LRFN5: variants seen among roughly 807,000 people sequenced by gnomAD.
LRFN5 encodes the protein leucine rich repeat and fibronectin type III domain containing 5, also known as leucine-rich repeat and fibronectin type-III domain-containing protein 5.
A neutral mutation model predicts 45.6 loss-of-function variants in LRFN5; 24 were observed. That is an observed-to-expected ratio of 0.53 (90% CI 0.38 to 0.74). LRFN5 has a LOEUF of 0.74. Ranked by LOEUF, LRFN5 falls within the 30% of genes least tolerant of loss-of-function variation. The probability of loss-of-function intolerance (pLI) is 0.00; values close to 1 mark genes in which losing one functional copy is unlikely to be tolerated. For synonymous variants in LRFN5, 340 were observed against 313.8 expected, an observed-to-expected ratio of 1.08 and a Z score of -0.88; for missense variants, 776 against 861.5, an observed-to-expected ratio of 0.90 and a Z score of 1.24.
At chr14:41,736,552 T>G (rs1251718374) in intron 1 of LRFN5, among the ~76,000 whole-genome samples, 1 of 152,164 alleles carries the variant, frequency 6.6e-6, no homozygotes, top group Non-Finnish European at 1.5e-5. Context: ...CATTGCCTGT[T>G]CACTTCGGTG....
chr14:41,648,788 T>G (rs1879945211), intron 1 of LRFN5, among the ~76,000 whole-genome samples: 1 of 152,018 alleles, frequency 6.6e-6, no homozygotes. Flanking sequence ...TTTTGGAACA[T>G]AATGAAATAA....
At chr14:41,788,315 A>G (rs1886800636) in intron 2 of LRFN5, among the ~76,000 whole-genome samples, 1 of 152,038 alleles carries the variant, frequency 6.6e-6, no homozygotes, top group Non-Finnish European at 1.5e-5. Flanking sequence ...CTGCCACTTC[A>G]ATTATATGTA....
At chr14:41,720,578 G>C (rs1883675045) in intron 1 of LRFN5, among the ~76,000 whole-genome samples, 1 of 151,960 alleles carries the variant, frequency 6.6e-6, no homozygotes, top group Non-Finnish European at 1.5e-5. Flanking sequence ...TTGGTTTGTT[G>C]TGTCTCTGTT....
At position 41,904,160 on chromosome 14, in the gene LRFN5, G is replaced by A; in HGVS notation, c.2145G>A (p.Arg715=). 1 of 1,600,922 alleles carries A rather than the reference G, an allele frequency of 6.2e-7. No homozygotes were observed. Among genetic ancestry groups the A allele is most frequent in the Non-Finnish European group, 8.5e-7 (1 of 1,174,356 alleles). Reference sequence around the variant, plus strand: ...TTTTTCTTTTTCTTTCATTTCAGAGGCTGGAGTTAATCTGAAGAGCACCAC... The same window carrying A: ...TTTTTCTTTTTCTTTCATTTCAGAGACTGGAGTTAATCTGAAGAGCACCAC... ...NVDQIVQETQ[R]LELI is the part of the protein sequence containing the mutation. Residue 715 remains arginine (R), a splice_region_variant and synonymous_variant, in exon 6 of 6, where the codon AGG becomes AGA. Transcript: ENST00000298119.
At chr14:41,819,990 T>C (rs1422265614) in intron 2 of LRFN5, among the ~76,000 whole-genome samples, 14 of 151,978 alleles carry the variant, frequency 9.2e-5, no homozygotes. Context: ...GCTGATTTCT[T>C]TGGCATTCTT....
chr14:41,819,920 A>C (rs755408936), intron 2 of LRFN5, among the ~76,000 whole-genome samples: 100 of 150,638 alleles, frequency 6.6e-4, no homozygotes, highest in Non-Finnish European at 1.3e-3. Context: ...GACCACCTGT[A>C]TGTTATTGAA....
intron 1 of LRFN5, among the ~76,000 whole-genome samples, chr14:41,627,571 A>G (rs990908851): frequency 6.6e-6 from 1 of 152,164 alleles, no homozygotes; most frequent in Non-Finnish European, 1.5e-5. Flanking sequence ...GACGTCATGA[A>G]ATCCTAACCT....
chr14:41,682,672 T>A (rs1004508580), intron 1 of LRFN5, among the ~76,000 whole-genome samples: 2 of 152,182 alleles, frequency 1.3e-5, no homozygotes, highest in African/African-American at 4.8e-5. Context: ...AGAGCAACTA[T>A]ATGCCAATAA....
At chr14:41,737,062 A>G (rs2138809893) in intron 1 of LRFN5, among the ~76,000 whole-genome samples, 1 of 152,328 alleles carries the variant, frequency 6.6e-6, no homozygotes, top group Non-Finnish European at 1.5e-5. Context: ...AGAAAATTTC[A>G]GGCCAGTATC....
chr14:41,735,261 TTTA>T (rs1884374130), intron 1 of LRFN5, among the ~76,000 whole-genome samples: 1 of 114,280 alleles, frequency 8.8e-6, no homozygotes, highest in African/African-American at 4.2e-5. Context: ...CACCTTTATT[TTTA>T]TTTTTATTTT....
Position 41,876,282 on chromosome 14 carries a change from T to TC in LRFN5, c.-20-10324_-20-10323insC, listed in dbSNP as rs1555328652. ...GCGTAATTGTCTTTTTCTTTCTTTT[T>TC]TTTTTTTTTTTTTTTTGAGACGGAG... On this transcript the variant is annotated intron_variant, in intron 2 of 5. Coordinates refer to ENST00000298119, the MANE Select transcript of LRFN5 (RefSeq NM_152447.5). Among the ~76,000 whole-genome samples the TC allele has an allele frequency of 3.4e-5, 4 of 118,310 alleles. No individual in the cohort carries two copies. The East Asian group carries it at 2.3e-3, about 67-fold the overall frequency. 77.6% of individuals were successfully genotyped at this position (118,310 alleles called of 152,430 possible).
chr14:41,856,679 T>TATTTTTTTA (rs1566486513), intron 2 of LRFN5, among the ~76,000 whole-genome samples: 1 of 60,102 alleles, frequency 1.7e-5, no homozygotes, highest in African/African-American at 5.7e-5. Context: ...ATTATTATTT[T>TATTTTTTTA]TTTTTTTTTT....
chr14:41,735,716 A>G (rs544922638), intron 1 of LRFN5, among the ~76,000 whole-genome samples: 128 of 152,178 alleles, frequency 8.4e-4, no homozygotes, highest in African/African-American at 2.9e-3. Context: ...TCAACCCTTC[A>G]TTGACATTAG....
chr14:41,651,368 A>G (rs1369958912), intron 1 of LRFN5, among the ~76,000 whole-genome samples: 1 of 152,190 alleles, frequency 6.6e-6, no homozygotes, highest in East Asian at 1.9e-4. Flanking sequence ...ACACTCTCAA[A>G]CTATGCTTTT....
chr14:41,763,852 C>T (rs1474160640), intron 1 of LRFN5, among the ~76,000 whole-genome samples: 2 of 152,068 alleles, frequency 1.3e-5, no homozygotes, highest in Non-Finnish European at 2.9e-5. Flanking sequence ...TGAGAACAGA[C>T]TAATATGGCA....
intron 1 of LRFN5, among the ~76,000 whole-genome samples, chr14:41,670,320 G>T (rs1194560854): frequency 4.7e-5 from 5 of 105,768 alleles, no homozygotes; most frequent in African/African-American, 1.8e-4. Context: ...CACACAGAAA[G>T]AACCCCTGGA....
chr14:41,641,449 T>A (rs1478343533), intron 1 of LRFN5, among the ~76,000 whole-genome samples: 1 of 152,082 alleles, frequency 6.6e-6, no homozygotes, highest in East Asian at 1.9e-4. Context: ...AAGTTTCAAA[T>A]TTTAGCTATT....
In LRFN5 at chr14:41,676,605, G is replaced by A. The variant is rs533659024; in HGVS notation, c.-197+68043G>A. 2.0e-5 allele frequency among the ~76,000 whole-genome samples: 3 copies of A among 152,236 alleles called. No homozygotes were observed. In the South Asian group the frequency reaches 6.2e-4, roughly 32 times the overall value. On this transcript the variant is annotated intron_variant, in intron 1 of 5. Transcript: ENST00000298119. ...CCTAGGTTTTCAGTCAACTCTCGGG[G>A]TCTGGAGAATGTTGTTCATATGTTC...
At chr14:41,758,896 C>A (rs541908457) in intron 1 of LRFN5, among the ~76,000 whole-genome samples, 1 of 152,180 alleles carries the variant, frequency 6.6e-6, no homozygotes, top group Admixed American at 6.5e-5. Context: ...AAACTTTCTC[C>A]TCAAGAGATG....
Sources: allele counts gnomAD v4.1 joint callset (sites outside exome capture counted in the v4.1 genomes callset), GRCh38; gene constraint gnomAD v4.1.1; transcripts MANE v1.5; gene names NCBI Gene and HGNC (gene_info 2026-07-23, HGNC 2026-07-21).